Variants in CFAP61 observed in about 807,000 individuals in gnomAD.
CFAP61 encodes the protein cilia and flagella associated protein 61, also known as cilia- and flagella-associated protein 61.
A neutral mutation model predicts 135.6 loss-of-function variants in CFAP61; 107 were observed. That is an observed-to-expected ratio of 0.79 (90% CI 0.67 to 0.93). CFAP61 has a LOEUF of 0.93. Among genes scored for constraint, CFAP61 ranks in the 40% least tolerant of loss-of-function variants. The pLI, the probability that CFAP61 is intolerant of heterozygous loss-of-function variation, is 0.00. For missense variants in CFAP61, 1,507 were observed against 1,556.2 expected (o/e 0.97, Z 0.53); for synonymous variants, 575 against 578.5 (o/e 0.99, Z 0.09).
intron 6 of CFAP61, among the ~76,000 whole-genome samples, chr20:20,077,854 A>G (rs892435008): frequency 5.3e-5 from 8 of 152,222 alleles, no homozygotes; most frequent in African/African-American, 9.6e-5. Context: ...TGAGGCCTCC[A>G]GGTAGCAGGC....
chr20:20,172,363 C>G (rs2054287132), intron 13 of CFAP61: 1 of 808,654 alleles, frequency 1.2e-6, no homozygotes. Flanking sequence ...GTTGCCCAGG[C>G]TGGAATGCAA....
intron 4 of CFAP61, among the ~76,000 whole-genome samples, 179 bp downstream of exon 4, chr20:20,074,557 C>A (rs182799176): frequency 2.0e-5 from 3 of 152,222 alleles, no homozygotes; most frequent in Non-Finnish European, 4.4e-5. Context: ...TTCTTTGAAT[C>A]TATTGTCCAT....
In CFAP61 at chr20:20,251,719, G is replaced by C; in HGVS notation, c.2284G>C (p.Val762Leu). ...KHVVLSTDEI[V>L]PYDHLILCTG... ...CGTTGTGCTTTCCACGGACGAGATC[G>C]TGCCCTACGACCACCTCATCCTCTG... Residue 762 changes from valine to leucine, a missense_variant, in exon 20 of 27, where the codon GTG (valine) becomes CTG (leucine). Physicochemically the swap from Val to Leu is conservative, Grantham distance 32. Transcript: ENST00000245957. 1 of 1,614,054 alleles carries C rather than the reference G, an allele frequency of 6.2e-7. No homozygotes were observed. The highest frequency in any genetic ancestry group is 8.5e-7 in the Non-Finnish European group (1 of 1,180,046).
intron 22 of CFAP61, among the ~76,000 whole-genome samples, chr20:20,278,388 C>T (rs557162403): frequency 6.6e-6 from 1 of 152,272 alleles, no homozygotes; most frequent in East Asian, 1.9e-4. Context: ...CCAGCCTGCA[C>T]CCTCAGAGTT....
At chr20:20,075,128 A>G in intron 4 of CFAP61, 61 bp from the exon 5 acceptor site, 2 of 1,492,748 alleles carry the variant, frequency 1.3e-6, no homozygotes, top group Non-Finnish European at 1.9e-6. Context: ...GTCTTCATCA[A>G]GTGCCAGCTG....
intron 18 of CFAP61, among the ~76,000 whole-genome samples, chr20:20,240,457 A>G (rs1224422259): frequency 6.6e-6 from 1 of 152,122 alleles, no homozygotes; most frequent in Non-Finnish European, 1.5e-5. Flanking sequence ...CTTTAGGCCC[A>G]GGATCAGTGA....
chr20:20,322,870 A>G (rs2057585582), intron 25 of CFAP61: 1 of 985,150 alleles, frequency 1.0e-6, no homozygotes, highest in African/African-American at 1.7e-5. Flanking sequence ...AAATTTACTA[A>G]TATGACACAA....
chr20:20,151,864 T>C (rs536802269), intron 9 of CFAP61, among the ~76,000 whole-genome samples: 10 of 128,594 alleles, frequency 7.8e-5, no homozygotes, highest in African/African-American at 2.9e-4. Flanking sequence ...TCAAAGAACA[T>C]CTGGGAAATT....
At chr20:20,192,712 C>T (rs1305455021) in intron 15 of CFAP61, among the ~76,000 whole-genome samples, 3 of 152,062 alleles carry the variant, frequency 2.0e-5, no homozygotes, top group Admixed American at 6.5e-5. Context: ...CTGATGAGAC[C>T]CTGACCTGAC....
intron 9 of CFAP61, among the ~76,000 whole-genome samples, chr20:20,154,587 C>T (rs188298473): frequency 6.6e-6 from 1 of 152,070 alleles, no homozygotes; most frequent in East Asian, 1.9e-4. Context: ...ATACAGAACT[C>T]AATCCCTTTT....
Position 20,098,660 on chromosome 20 carries a change from A to G in CFAP61, c.705A>G (p.Glu235=). ...AGGTGTTTTGGATATTTCAGGTGGA[A>G]GGCACAGCTGTTGGGTTCATGAGTG... ...EENHAVVCEV[E]GTAVGFMSVC... The change falls in exon 8 of 27, where the codon GAA becomes GAG. Residue 235 remains glutamate, a synonymous_variant. Coordinates refer to ENST00000245957, the MANE Select transcript of CFAP61 (RefSeq NM_015585.4). 6.3e-7 allele frequency: 1 copy of G among 1,585,662 alleles called. No homozygotes were observed. Among genetic ancestry groups the G allele is most frequent in the South Asian group, 1.2e-5 (1 of 86,416 alleles).
At chr20:20,225,993 T>C (rs1225643306) in intron 17 of CFAP61, 1 of 152,242 alleles carries the variant, frequency 6.6e-6, no homozygotes, top group Admixed American at 6.5e-5. Flanking sequence ...TTGAAGAACA[T>C]GCACTTTTTC....
intron 8 of CFAP61, among the ~76,000 whole-genome samples, chr20:20,121,260 T>A (rs1183375281): frequency 6.6e-6 from 1 of 151,442 alleles, no homozygotes; most frequent in Non-Finnish European, 1.5e-5. Context: ...CACATGCCAC[T>A]GCAACTGGCT....
Position 20,252,169 on chromosome 20 carries a change from C to G in CFAP61, c.2328+406C>G, listed in dbSNP as rs1277783554. Among the ~76,000 whole-genome samples the G allele has an allele frequency of 2.0e-5, 3 of 152,174 alleles. No homozygotes were observed. The South Asian group carries it at 6.2e-4, about 31-fold the overall frequency. On this transcript the variant is annotated intron_variant, in intron 20 of 26. Transcript: ENST00000245957. ...TGGGCTCTCGCAAAAGTATTGCAAA[C>G]ACGTGCACCTTCTGTCGACCCTTAT...
At chr20:20,328,770 T>C (rs976993250) in intron 25 of CFAP61, among the ~76,000 whole-genome samples, 2 of 152,082 alleles carry the variant, frequency 1.3e-5, no homozygotes, top group Non-Finnish European at 2.9e-5. Context: ...GGCTGGGAAG[T>C]ACATGAAAAG....
At position 20,164,100 on chromosome 20, in the gene CFAP61, T is replaced by C. The variant is rs2053625711; in HGVS notation, c.1077T>C (p.His359=). ...CCACTGGATATGCACAGTATCACCATGTCAGCAGTAGGAGCTTGGCATCGC... is the reference window on the plus strand; with the variant it reads ...CCACTGGATATGCACAGTATCACCACGTCAGCAGTAGGAGCTTGGCATCGC... ...DISTGYAQYH[H]VSSRSLASLV... The change falls in exon 11 of 27, where the codon CAT becomes CAC. Residue 359 remains histidine (H), a synonymous_variant. Transcript: ENST00000245957. 9 of 1,614,072 alleles carry C rather than the reference T, an allele frequency of 5.6e-6. No individual in the cohort carries two copies. The highest frequency in any genetic ancestry group is 4.5e-5 in the East Asian group (2 of 44,880).
chr20:20,075,156 G>A lies in CFAP61; in HGVS notation c.372-33G>A, dbSNP rs73291608. 0.02 allele frequency: 32,000 copies of A among 1,605,334 alleles called. 5,033 individuals carry two copies. The African/African-American group carries it at 0.36, about 18-fold the overall frequency. On this transcript the variant is annotated intron_variant, in intron 4 of 26. Coordinates refer to ENST00000245957, the MANE Select transcript of CFAP61 (RefSeq NM_015585.4). ...GCCAGCTGATGGGATTGCTTTGTTA[G>A]TAACACTGCCCCACCCTCTCTTTCC...
At chr20:20,319,142 C>G (rs111781539) in intron 25 of CFAP61, among the ~76,000 whole-genome samples, 125 of 152,348 alleles carry the variant, frequency 8.2e-4, no homozygotes, top group African/African-American at 2.9e-3. Flanking sequence ...TAGCGTGAAG[C>G]AGTGGCCTGC....
chr20:20,247,350 C>T (rs557279420), intron 19 of CFAP61, among the ~76,000 whole-genome samples: 20 of 152,164 alleles, frequency 1.3e-4, no homozygotes, highest in Non-Finnish European at 2.6e-4. Flanking sequence ...AAACAGCTAC[C>T]GAGGGGGCTT....
Sources: allele counts gnomAD v4.1 joint callset (sites outside exome capture counted in the v4.1 genomes callset), GRCh38; gene constraint gnomAD v4.1.1; transcripts MANE v1.5; gene names NCBI Gene and HGNC (gene_info 2026-07-23, HGNC 2026-07-21).